Variants in GRIK1 observed in about 807,000 individuals in gnomAD.
The protein encoded by GRIK1 is glutamate ionotropic receptor kainate type subunit 1, also known as glutamate receptor ionotropic, kainate 1.
Under a neutral mutation model 105.7 loss-of-function variants are expected in GRIK1, and 69 were observed. The ratio of observed to expected loss-of-function variants is 0.65; its 90% CI spans 0.54 to 0.80. The LOEUF (loss-of-function observed/expected upper bound fraction) is 0.80. GRIK1 is among the 30% of genes least tolerant of loss of function. The pLI, the probability that GRIK1 is intolerant of heterozygous loss-of-function variation, is 0.00. For missense variants in GRIK1, 1,109 were observed against 1,167.3 expected (o/e 0.95, Z 0.73); for synonymous variants, 438 against 431.3 (o/e 1.02, Z -0.19).
chr21:29,908,912 G>A (rs2070727952), intron 1 of GRIK1, among the ~76,000 whole-genome samples: 2 of 152,056 alleles, frequency 1.3e-5, no homozygotes. Context: ...TTCCTCTCAA[G>A]TATTTCCTCT....
intron 1 of GRIK1, among the ~76,000 whole-genome samples, chr21:29,936,910 T>C (rs2071777305): frequency 6.6e-6 from 1 of 152,144 alleles, no homozygotes; most frequent in Admixed American, 6.5e-5. Context: ...TTGCTATACT[T>C]TACTTTGAAT....
intron 15 of GRIK1, 21 bp from the exon 16 acceptor site, chr21:29,555,323 A>T: frequency 6.2e-7 from 1 of 1,604,134 alleles, no homozygotes; most frequent in Non-Finnish European, 8.5e-7. Context: ...AACCATCTGG[A>T]TATTGGTCAC....
intron 1 of GRIK1, among the ~76,000 whole-genome samples, chr21:29,845,758 T>C (rs985941244): frequency 1.3e-5 from 2 of 152,208 alleles, no homozygotes; most frequent in African/African-American, 2.4e-5. Flanking sequence ...ATGTTCCATA[T>C]TGGATCCTTT....
At chr21:29,665,701 T>A (rs1410274029) in intron 4 of GRIK1, among the ~76,000 whole-genome samples, 6 of 152,250 alleles carry the variant, frequency 3.9e-5, no homozygotes, top group Admixed American at 3.9e-4. Context: ...CAAGCTTTGA[T>A]AATTTTGTTT....
At chr21:29,784,712 A>G (rs1045314253) in intron 1 of GRIK1, among the ~76,000 whole-genome samples, 2 of 152,226 alleles carry the variant, frequency 1.3e-5, no homozygotes, top group African/African-American at 2.4e-5. Context: ...ATACTATCCC[A>G]TACATCAAAT....
intron 1 of GRIK1, among the ~76,000 whole-genome samples, chr21:29,804,884 C>T (rs986117549): frequency 4.6e-5 from 7 of 152,144 alleles, no homozygotes; most frequent in South Asian, 2.1e-4. Flanking sequence ...TTTCATATGA[C>T]TTCATTTTGC....
intron 1 of GRIK1, among the ~76,000 whole-genome samples, chr21:29,741,693 G>A (rs1342829497): frequency 6.6e-6 from 1 of 152,154 alleles, no homozygotes; most frequent in Non-Finnish European, 1.5e-5. Context: ...AGAGCTTGCT[G>A]GTTGAATGAT....
intron 1 of GRIK1, among the ~76,000 whole-genome samples, chr21:29,843,906 A>G (rs1041480662): frequency 6.6e-6 from 1 of 152,196 alleles, no homozygotes; most frequent in Non-Finnish European, 1.5e-5. Flanking sequence ...CAGTCCCCAC[A>G]GACTCCTACT....
chr21:29,769,530 C>T (rs2145728551), intron 1 of GRIK1, among the ~76,000 whole-genome samples: 1 of 152,182 alleles, frequency 6.6e-6, no homozygotes, highest in South Asian at 2.1e-4. Context: ...AACCTACATC[C>T]CTCCCATGCG....
chr21:29,799,233 A>G (rs1314630353), intron 1 of GRIK1, among the ~76,000 whole-genome samples: 1 of 152,218 alleles, frequency 6.6e-6, no homozygotes, highest in South Asian at 2.1e-4. Flanking sequence ...TTAATTTTAT[A>G]ATTAGAAGAA....
At chr21:29,707,731 C>G (rs2063952760) in intron 1 of GRIK1, among the ~76,000 whole-genome samples, 1 of 151,918 alleles carries the variant, frequency 6.6e-6, no homozygotes, top group Non-Finnish European at 1.5e-5. Flanking sequence ...CCTGAGCTGC[C>G]TCGGCCTCCC....
chr21:29,788,278 A>G (rs1318139959), intron 1 of GRIK1, among the ~76,000 whole-genome samples: 1 of 152,228 alleles, frequency 6.6e-6, no homozygotes, highest in Non-Finnish European at 1.5e-5. Flanking sequence ...GTGTTATTAT[A>G]CAAGGTGGTC....
At chr21:29,869,033 G>A (rs189254682) in intron 1 of GRIK1, among the ~76,000 whole-genome samples, 1 of 152,216 alleles carries the variant, frequency 6.6e-6, no homozygotes, top group Admixed American at 6.5e-5. Context: ...TTCATCACCT[G>A]TGTGGGCAGC....
intron 1 of GRIK1, among the ~76,000 whole-genome samples, chr21:29,936,710 A>G (rs2071768778): frequency 6.6e-6 from 1 of 152,222 alleles, no homozygotes; most frequent in South Asian, 2.1e-4. Context: ...TGCTCAAATC[A>G]CGTGTCTATG....
At chr21:29,665,385 A>ATTTTTT (rs1388201898) in intron 4 of GRIK1, among the ~76,000 whole-genome samples, 1 of 152,228 alleles carries the variant, frequency 6.6e-6, no homozygotes, top group Non-Finnish European at 1.5e-5. Flanking sequence ...GAGAAACATA[A>ATTTTTT]TTACGATGAG....
chr21:29,783,003 C>T (rs561692507), intron 1 of GRIK1, among the ~76,000 whole-genome samples: 2 of 152,270 alleles, frequency 1.3e-5, no homozygotes, highest in South Asian at 2.1e-4. Flanking sequence ...TGTGCAGTGT[C>T]ATTTCCCTAC....
intron 1 of GRIK1, among the ~76,000 whole-genome samples, chr21:29,886,708 G>A (rs2069642456): frequency 6.6e-6 from 1 of 151,986 alleles, no homozygotes; most frequent in Non-Finnish European, 1.5e-5. Context: ...CTGTTGCCTG[G>A]CTTATTATAT....
At chr21:29,576,339 A>G (rs1735820262) in intron 14 of GRIK1, among the ~76,000 whole-genome samples, 1 of 152,206 alleles carries the variant, frequency 6.6e-6, no homozygotes, top group South Asian at 2.1e-4. Context: ...CACTAAAACT[A>G]AACTCATCCA....
chr21:29,670,277 A>G (rs930908694), intron 4 of GRIK1, among the ~76,000 whole-genome samples: 1 of 152,210 alleles, frequency 6.6e-6, no homozygotes. Flanking sequence ...AGGCCAAAAC[A>G]TGATAAGAGA....
Sources: gnomAD v4.1 joint callset for allele counts (sites outside exome capture counted in the v4.1 genomes callset) on GRCh38, gnomAD v4.1.1 for gene constraint, MANE v1.5 for transcripts, NCBI Gene and HGNC (gene_info 2026-07-23, HGNC 2026-07-21) for gene names.